Variants in ATAD2B observed in about 807,000 individuals in gnomAD.
ATAD2B encodes the protein ATPase family AAA domain containing 2B.
In ATAD2B, 40 loss-of-function variants were observed where a neutral mutation model predicts 167.6. The observed-to-expected ratio is 0.24, with a 90% confidence interval of 0.19 to 0.31. The LOEUF (loss-of-function observed/expected upper bound fraction) is 0.31, where lower values mean the gene tolerates loss of function less well. Among genes scored for constraint, ATAD2B ranks in the 10% least tolerant of loss-of-function variants. ATAD2B has a pLI of 1.00. For synonymous variants in ATAD2B, 579 were observed against 596.5 expected (o/e 0.97, Z 0.43); for missense variants, 1,242 against 1,757.2 (o/e 0.71, Z 5.24).
intron 1 of ATAD2B, among the ~76,000 whole-genome samples, chr2:23,909,642 AT>A (rs1701985308): frequency 3.9e-5 from 6 of 152,080 alleles, no homozygotes; most frequent in Admixed American, 3.9e-4. Context: ...AACAGTGGTT[AT>A]CCCTCGGAAG....
chr2:23,726,647 C>T, the ATAD2B span, among the ~76,000 whole-genome samples: 4 of 151,988 alleles, frequency 2.6e-5, no homozygotes, highest in Admixed American at 6.6e-5. Flanking sequence ...GTCAACTATA[C>T]ATAAAATGAA....
chr2:23,809,549 GTT>G (rs1296503144), intron 18 of ATAD2B, among the ~76,000 whole-genome samples: 1 of 152,164 alleles, frequency 6.6e-6, no homozygotes, highest in Admixed American at 6.5e-5. Context: ...TACTACTCCA[GTT>G]ATTTAACTCT....
chr2:23,886,505 A>C (rs1268357619), intron 4 of ATAD2B, among the ~76,000 whole-genome samples: 1 of 152,164 alleles, frequency 6.6e-6, no homozygotes, highest in Non-Finnish European at 1.5e-5. Context: ...TAATTGTATA[A>C]AATTATTTTA....
intron 24 of ATAD2B, among the ~76,000 whole-genome samples, chr2:23,758,996 TG>T (rs778359233): frequency 7.2e-5 from 11 of 152,190 alleles, no homozygotes; most frequent in Non-Finnish European, 1.5e-4. Flanking sequence ...TTGAGGTAGA[TG>T]GTTAAGCAAG....
intron 13 of ATAD2B, among the ~76,000 whole-genome samples, chr2:23,851,676 G>A (rs1692594131): frequency 6.6e-6 from 1 of 152,048 alleles, no homozygotes; most frequent in African/African-American, 2.4e-5. Context: ...CTATGGGTTT[G>A]GACAAACATA....
chr2:23,913,694 A>C (rs1702625226), intron 1 of ATAD2B, among the ~76,000 whole-genome samples: 1 of 152,156 alleles, frequency 6.6e-6, no homozygotes, highest in African/African-American at 2.4e-5. Flanking sequence ...TATAATCTCA[A>C]TTGAAATTAA....
At chr2:23,796,259 A>G (rs1233991319) in intron 19 of ATAD2B, among the ~76,000 whole-genome samples, 1 of 152,194 alleles carries the variant, frequency 6.6e-6, no homozygotes, top group African/African-American at 2.4e-5. Flanking sequence ...AAGGAGCTGA[A>G]ATTTCAGAAT....
intron 1 of ATAD2B, among the ~76,000 whole-genome samples, chr2:23,919,367 C>T (rs761300411): frequency 3.3e-5 from 5 of 151,108 alleles, no homozygotes; most frequent in Non-Finnish European, 7.4e-5. Flanking sequence ...GGCAATGTGG[C>T]GAAACCCCAT....
the ATAD2B span, among the ~76,000 whole-genome samples, chr2:23,736,047 C>T: frequency 1.3e-5 from 2 of 152,154 alleles, no homozygotes; most frequent in East Asian, 3.8e-4. Context: ...AATAACACAA[C>T]ACTAAGCATT....
intron 10 of ATAD2B, 139 bp downstream of exon 10, chr2:23,867,696 C>T: frequency 1.6e-6 from 1 of 606,642 alleles, no homozygotes; most frequent in African/African-American, 1.9e-5. Context: ...GGCTAGGGTT[C>T]TTAGGTTTCA....
At position 23,850,817 on chromosome 2, in the gene ATAD2B, C is replaced by T. The variant is rs534114946; in HGVS notation, c.1568+6598G>A. Among the ~76,000 whole-genome samples, 6 of 152,318 alleles carry T rather than the reference C, an allele frequency of 3.9e-5. No homozygotes were observed. In the South Asian group the frequency reaches 1.2e-3, roughly 32 times the overall value. On this transcript the variant is annotated intron_variant, in intron 13 of 27. Transcript: ENST00000238789. Reference sequence around the variant, plus strand: ...AATGTTTCTATTCCCCTAAAATTCACACATTGAAACCTAATCACCAATGTA... The same window carrying T: ...AATGTTTCTATTCCCCTAAAATTCATACATTGAAACCTAATCACCAATGTA...
intron 13 of ATAD2B, among the ~76,000 whole-genome samples, chr2:23,834,665 T>C (rs938043829): frequency 1.3e-5 from 2 of 152,046 alleles, no homozygotes; most frequent in Non-Finnish European, 2.9e-5. Flanking sequence ...AAATATAACC[T>C]AAGAATATTT....
chr2:23,788,399 C>T lies in ATAD2B; in HGVS notation c.2776+113G>A, dbSNP rs889865330. 3.4e-6 allele frequency: 4 copies of T among 1,193,040 alleles called. No homozygotes were observed. In the African/African-American group the frequency reaches 6.1e-5, roughly 18 times the overall value. The allele number at this position is 1,193,040 out of a possible 1,614,324, so 73.9% of individuals were successfully genotyped here. On this transcript the variant is annotated intron_variant, in intron 20 of 27. Transcript: ENST00000238789. ...ACACGTCATCTAAAGATAAACAGAA[C>T]CTGACAAACTGTCCTCACTTCCAAG... is the stretch of plus-strand genomic sequence containing the variant.
Position 23,757,500 on chromosome 2 carries a change from T to C in ATAD2B, c.3996A>G (p.Leu1332=). ...CATTATTGCTACATTCCAGTGCCTC[T>C]AGTTTCTCAAGATCATCTCCATGAT... ...TENHGDDLEK[L]EALECSNNEK... The change falls in exon 25 of 28, where the codon CTA becomes CTG. Residue 1332 remains leucine (L), a synonymous_variant. Transcript: ENST00000238789. The C allele has an allele frequency of 6.4e-7, 1 of 1,566,670 alleles. No homozygotes were observed. The highest frequency in any genetic ancestry group is 1.4e-5 in the African/African-American group (1 of 72,784).
chr2:23,841,648 T>C (rs562949903), intron 13 of ATAD2B, among the ~76,000 whole-genome samples: 1 of 152,218 alleles, frequency 6.6e-6, no homozygotes, highest in African/African-American at 2.4e-5. Context: ...CCCGAGTAGG[T>C]GGGACCAGAT....
intron 13 of ATAD2B, among the ~76,000 whole-genome samples, chr2:23,848,231 A>G (rs1691996381): frequency 6.6e-6 from 1 of 152,194 alleles, no homozygotes; most frequent in Admixed American, 6.5e-5. Flanking sequence ...GGCCAGGCAC[A>G]ATGGCTCACA....
At chr2:23,925,330 A>G (rs1404855191) in intron 1 of ATAD2B, among the ~76,000 whole-genome samples, 1 of 152,248 alleles carries the variant, frequency 6.6e-6, no homozygotes, top group Non-Finnish European at 1.5e-5. Flanking sequence ...AAGATATAAT[A>G]AAAATATTTC....
chr2:23,884,984 C>T, intron 5 of ATAD2B, 111 bp from the exon 6 acceptor site: 3 of 467,402 alleles, frequency 6.4e-6, no homozygotes, highest in South Asian at 1.4e-4. Flanking sequence ...CACCTATTTG[C>T]GTGCCATAGA....
At chr2:23,842,474 T>C (rs923670858) in intron 13 of ATAD2B, among the ~76,000 whole-genome samples, 4 of 152,148 alleles carry the variant, frequency 2.6e-5, no homozygotes, top group Non-Finnish European at 5.9e-5. Flanking sequence ...TGGGAGTTCA[T>C]GGTAACTCAG....
Sources: gnomAD v4.1 joint callset for allele counts (sites outside exome capture counted in the v4.1 genomes callset) on GRCh38, gnomAD v4.1.1 for gene constraint, MANE v1.5 for transcripts, NCBI Gene and HGNC (gene_info 2026-07-23, HGNC 2026-07-21) for gene names.